TP53INP1: variants seen among roughly 807,000 people sequenced by gnomAD.
TP53INP1 encodes the protein tumor protein p53-inducible nuclear protein 1.
A neutral mutation model predicts 21.0 loss-of-function variants in TP53INP1; 12 were observed. The ratio of observed to expected loss-of-function variants is 0.57; its 90% CI spans 0.37 to 0.93. The LOEUF (loss-of-function observed/expected upper bound fraction) is 0.93, where lower values mean the gene tolerates loss of function less well. Ranked by LOEUF, TP53INP1 falls within the 40% of genes least tolerant of loss-of-function variation. The pLI is 0.01. For synonymous variants in TP53INP1, 91 were observed against 94.8 expected, an observed-to-expected ratio of 0.96 and a Z score of 0.23; for missense variants, 274 against 294.7, an observed-to-expected ratio of 0.93 and a Z score of 0.51.
intron 3 of TP53INP1, among the ~76,000 whole-genome samples, chr8:94,936,986 A>G (rs746568627): frequency 6.6e-6 from 1 of 152,222 alleles, no homozygotes; most frequent in Non-Finnish European, 1.5e-5. Context: ...GCTGCAAGTG[A>G]GACTAGTGCT....
At chr8:94,934,029 A>G (rs1449681733) in intron 3 of TP53INP1, among the ~76,000 whole-genome samples, 6 of 151,672 alleles carry the variant, frequency 4.0e-5, no homozygotes, top group Non-Finnish European at 8.8e-5. Context: ...GTGAGCCAAG[A>G]TTGCAACATT....
At position 94,927,883 on chromosome 8, in the gene TP53INP1, G is replaced by A. The variant is rs946052296; in HGVS notation, c.*2596C>T. The A allele has an allele frequency of 2.0e-5, 3 of 148,162 alleles. No individual in the cohort carries two copies. Among genetic ancestry groups the A allele is most frequent in the South Asian group, 2.2e-4 (1 of 4,592 alleles). The allele number at this position is 148,162 out of a possible 1,614,324, so 9.2% of individuals were successfully genotyped here. A position where few individuals can be genotyped will look rare whatever the true frequency, so the allele number is the denominator to read the frequency against. The stretch of plus-strand genomic sequence containing the variant: ...CATTTTAAAGAAATATGTCTAAAGC[G>A]CATTGTAAACCACTAATATTTACAA... On this transcript the variant is annotated 3_prime_UTR_variant, in exon 4 of 4. Coordinates refer to ENST00000342697, the MANE Select transcript of TP53INP1 (RefSeq NM_033285.4).
At chr8:94,936,785 G>A (rs3019175) in intron 3 of TP53INP1, among the ~76,000 whole-genome samples, 95,326 of 151,942 alleles carry the variant, frequency 0.63, 30,459 homozygotes, top group East Asian at 0.79. Flanking sequence ...ATATATCTCC[G>A]TGTGCTCCCT....
At chr8:94,939,171 AT>A (rs1174296038) in intron 3 of TP53INP1, among the ~76,000 whole-genome samples, 2 of 152,216 alleles carry the variant, frequency 1.3e-5, no homozygotes, top group Non-Finnish European at 2.9e-5. Flanking sequence ...ACATCATTTG[AT>A]GAGATGTAGC....
At chr8:94,935,553 A>G in intron 3 of TP53INP1, among the ~76,000 whole-genome samples, 1 of 152,248 alleles carries the variant, frequency 6.6e-6, no homozygotes, top group Admixed American at 6.5e-5. Flanking sequence ...TAATCAAGAT[A>G]ATGACTGACA....
intron 1 of TP53INP1, among the ~76,000 whole-genome samples, chr8:94,946,894 A>C (rs994791721): frequency 2.0e-5 from 3 of 152,102 alleles, no homozygotes; most frequent in African/African-American, 7.2e-5. Flanking sequence ...TTAGAATAGC[A>C]GACCTCGGTT....
At chr8:94,938,987 CA>C (rs2131359537) in intron 3 of TP53INP1, among the ~76,000 whole-genome samples, 1 of 152,252 alleles carries the variant, frequency 6.6e-6, no homozygotes, top group African/African-American at 2.4e-5. Flanking sequence ...TAGACAGTGT[CA>C]GAATTGAATT....
intron 1 of TP53INP1, 29 bp downstream of exon 1, chr8:94,949,125 A>ACGCC (rs930959343): frequency 9.3e-5 from 12 of 129,112 alleles, no homozygotes; most frequent in Non-Finnish European, 1.6e-4. Flanking sequence ...CCCTGGACGG[A>ACGCC]CGCCCGCCCG....
At position 94,941,018 on chromosome 8, in the gene TP53INP1, A is replaced by G. The variant is rs1433351949; in HGVS notation, c.-77T>C. 3 of 1,084,678 alleles carry G rather than the reference A, an allele frequency of 2.8e-6. No individual in the cohort carries two copies. Among genetic ancestry groups the G allele is most frequent in the Admixed American group, 1.9e-5 (1 of 53,570 alleles). The allele number at this position is 1,084,678 out of a possible 1,614,324, so 67.2% of individuals were successfully genotyped here. A position where few individuals can be genotyped will look rare whatever the true frequency, so the allele number is the denominator to read the frequency against. Reference sequence around the variant, plus strand: ...CAAAACCTTGTCTTTAGTTGGCCCAATGGTACCGACAGGAGATTAAAGTGC... The same window carrying G: ...CAAAACCTTGTCTTTAGTTGGCCCAGTGGTACCGACAGGAGATTAAAGTGC... On this transcript the variant is annotated 5_prime_UTR_variant, in exon 2 of 4. Coordinates refer to ENST00000342697, the MANE Select transcript of TP53INP1 (RefSeq NM_033285.4).
At chr8:94,935,128 T>TATAGATAGATATAGATAGATAGATAG (rs1554630989) in intron 3 of TP53INP1, among the ~76,000 whole-genome samples, 1 of 144,640 alleles carries the variant, frequency 6.9e-6, no homozygotes, top group African/African-American at 2.6e-5. Flanking sequence ...GGTAGATAGA[T>TATAGATAGATATAGATAGATAGATAG]ATAGATAGAT....
chr8:94,937,953 A>G (rs1312209731), intron 3 of TP53INP1, among the ~76,000 whole-genome samples: 2 of 152,230 alleles, frequency 1.3e-5, no homozygotes, highest in Non-Finnish European at 2.9e-5. Context: ...AATCTAGACC[A>G]GCACAGTGGC....
intron 3 of TP53INP1, among the ~76,000 whole-genome samples, chr8:94,934,002 G>A (rs549829497): frequency 1.3e-5 from 2 of 151,812 alleles, no homozygotes; most frequent in African/African-American, 2.4e-5. Context: ...GCTTGAACCC[G>A]GGAGGCAGAG....
Position 94,940,196 on chromosome 8 carries a change from T to G in TP53INP1, c.137A>C (p.Glu46Ala), listed in dbSNP as rs772277490. 8 of 1,611,320 alleles carry G rather than the reference T, an allele frequency of 5.0e-6. No homozygotes were observed. In the Admixed American group the frequency reaches 5.0e-5, roughly 10 times the overall value. Residue 46 changes from glutamate (E) to alanine (A), a missense_variant, in exon 3 of 4, where the codon GAA becomes GCA. Coordinates refer to ENST00000342697, the MANE Select transcript of TP53INP1 (RefSeq NM_033285.4). ...FIDTCTGFSA[E>A]EEEEEEDISE... ...GATGTCCTCCTCTTCTTCTTCTTCTTCTGCTGAGAAACCAGTGCAAGTATC... is the reference window on the plus strand; with the variant it reads ...GATGTCCTCCTCTTCTTCTTCTTCTGCTGCTGAGAAACCAGTGCAAGTATC...
intron 1 of TP53INP1, among the ~76,000 whole-genome samples, chr8:94,946,695 T>TCAAAAAAA (rs1822028207): frequency 1.6e-4 from 1 of 6,444 alleles, no homozygotes; most frequent in Non-Finnish European, 6.5e-4. Context: ...AGACCCTGTC[T>TCAAAAAAA]CAAAAAAAAA....
chr8:94,942,186 A>G (rs1201826693), intron 1 of TP53INP1, among the ~76,000 whole-genome samples: 1 of 151,126 alleles, frequency 6.6e-6, no homozygotes, highest in Non-Finnish European at 1.5e-5. Flanking sequence ...ACAGGCGCCC[A>G]CCACCACATC....
chr8:94,942,076 A>T (rs576514803), intron 1 of TP53INP1, among the ~76,000 whole-genome samples: 18 of 151,096 alleles, frequency 1.2e-4, no homozygotes, highest in Admixed American at 4.0e-4. Flanking sequence ...TCTGTTGCCC[A>T]GGCTGGAGTG....
chr8:94,941,171 C>T, intron 1 of TP53INP1, 80 bp from the exon 2 acceptor site: 1 of 395,988 alleles, frequency 2.5e-6, no homozygotes. Context: ...ACACACATAC[C>T]CTTAGAAGAA....
At chr8:94,936,026 A>G (rs894980371) in intron 3 of TP53INP1, among the ~76,000 whole-genome samples, 1 of 152,216 alleles carries the variant, frequency 6.6e-6, no homozygotes, top group African/African-American at 2.4e-5. Context: ...TCTGTCTGAT[A>G]GTCTTATGTG....
intron 1 of TP53INP1, among the ~76,000 whole-genome samples, chr8:94,948,541 C>G (rs966557616): frequency 6.6e-6 from 1 of 152,280 alleles, no homozygotes; most frequent in Admixed American, 6.5e-5. Context: ...AGGCGGGGGC[C>G]GGTGGCCGGG....
Sources: gnomAD v4.1 joint callset for allele counts (sites outside exome capture counted in the v4.1 genomes callset) on GRCh38, gnomAD v4.1.1 for gene constraint, MANE v1.5 for transcripts, NCBI Gene and HGNC (gene_info 2026-07-23, HGNC 2026-07-21) for gene names.